CARNMT1: variants seen among roughly 807,000 people sequenced by gnomAD.
The protein encoded by CARNMT1 is protein-L-histidine N-pros-methyltransferase CARNMT1.
A neutral mutation model predicts 49.6 loss-of-function variants in CARNMT1; 28 were observed. That is an observed-to-expected ratio of 0.56 (90% CI 0.42 to 0.77). The LOEUF (loss-of-function observed/expected upper bound fraction) is 0.77. CARNMT1 is among the 30% of genes least tolerant of loss of function. CARNMT1 has a pLI of 0.00. For missense variants in CARNMT1, 421 were observed against 512.6 expected (o/e 0.82, Z 1.73); for synonymous variants, 178 against 175.0 (o/e 1.02, Z -0.13).
chr9:74,994,507 A>G (rs1268111084), intron 6 of CARNMT1, among the ~76,000 whole-genome samples: 1 of 152,102 alleles, frequency 6.6e-6, no homozygotes, highest in African/African-American at 2.4e-5. Flanking sequence ...ATTTTGAAGT[A>G]TCTGTGGTAC....
chr9:74,990,574 A>C (rs1564092055), intron 6 of CARNMT1, among the ~76,000 whole-genome samples: 1 of 152,226 alleles, frequency 6.6e-6, no homozygotes, highest in Non-Finnish European at 1.5e-5. Flanking sequence ...GGACATATAC[A>C]TATATTTCCT....
intron 5 of CARNMT1, among the ~76,000 whole-genome samples, chr9:74,996,902 A>T (rs1163529790): frequency 2.6e-5 from 4 of 152,344 alleles, no homozygotes; most frequent in Admixed American, 2.6e-4. Flanking sequence ...AAAACAAAAT[A>T]ATAGTCATTC....
intron 3 of CARNMT1, among the ~76,000 whole-genome samples, chr9:75,000,845 A>G (rs1048053000): frequency 6.6e-6 from 1 of 152,150 alleles, no homozygotes; most frequent in African/African-American, 2.4e-5. Context: ...GCACTTTACT[A>G]GTAGCCCATA....
At chr9:74,986,980 A>G (rs1310808156) in intron 6 of CARNMT1, among the ~76,000 whole-genome samples, 1 of 152,232 alleles carries the variant, frequency 6.6e-6, no homozygotes, top group African/African-American at 2.4e-5. Flanking sequence ...GCTGGAGTGT[A>G]TATTTTTAGT....
intron 1 of CARNMT1, among the ~76,000 whole-genome samples, chr9:75,026,464 A>G (rs1031315944): frequency 2.0e-5 from 3 of 152,184 alleles, no homozygotes; most frequent in Non-Finnish European, 4.4e-5. Context: ...ACTTTTCTGT[A>G]TCTCCCACTC....
intron 3 of CARNMT1, among the ~76,000 whole-genome samples, chr9:75,007,521 G>C (rs1185542380): frequency 2.0e-5 from 3 of 152,032 alleles, no homozygotes; most frequent in Non-Finnish European, 4.4e-5. Context: ...TTGAGGTCAA[G>C]AGTTTGAGAT....
At chr9:75,004,406 G>T (rs1257428915) in intron 3 of CARNMT1, among the ~76,000 whole-genome samples, 1 of 152,094 alleles carries the variant, frequency 6.6e-6, no homozygotes, top group Non-Finnish European at 1.5e-5. Flanking sequence ...CTATTTACAG[G>T]ATTTGTCTAC....
intron 3 of CARNMT1, among the ~76,000 whole-genome samples, chr9:75,008,954 A>T (rs1186047576): frequency 6.6e-6 from 1 of 152,178 alleles, no homozygotes; most frequent in Non-Finnish European, 1.5e-5. Context: ...ATAAGGACAA[A>T]CACACAGACC....
intron 3 of CARNMT1, among the ~76,000 whole-genome samples, chr9:75,010,731 AAG>A (rs1242867996): frequency 6.6e-6 from 1 of 152,224 alleles, no homozygotes; most frequent in Non-Finnish European, 1.5e-5. Flanking sequence ...AATCTTAACC[AAG>A]ATAAATACAA....
intron 1 of CARNMT1, chr9:75,027,109 G>A (rs1415602262): frequency 1.0e-5 from 13 of 1,304,100 alleles, no homozygotes; most frequent in Non-Finnish European, 1.3e-5. Flanking sequence ...CATAGTCACC[G>A]GTGGACTCAT....
In CARNMT1 at chr9:74,993,909, A is replaced by G. The variant is rs548625224; in HGVS notation, c.1024+2538T>C. On this transcript the variant is annotated intron_variant, in intron 6 of 7. Transcript: ENST00000376834. ...ACAACTTTTAGACTGACTAGAGACA[A>G]ACAGCGAGGAAAAAGAGAGGTCCTA... Among the ~76,000 whole-genome samples the G allele has an allele frequency of 8.5e-5, 13 of 152,318 alleles. No homozygotes were observed. The South Asian group carries it at 2.5e-3, about 29-fold the overall frequency.
chr9:75,023,691 T>C (rs949874960), intron 1 of CARNMT1, among the ~76,000 whole-genome samples: 1 of 152,258 alleles, frequency 6.6e-6, no homozygotes, highest in African/African-American at 2.4e-5. Flanking sequence ...GCTATCAGAA[T>C]TGCTTTAAGG....
chr9:74,994,868 T>A (rs1485384348), intron 6 of CARNMT1, among the ~76,000 whole-genome samples: 1 of 152,178 alleles, frequency 6.6e-6, no homozygotes. Context: ...CATAATGGAA[T>A]TAGCTCTCCT....
chr9:75,007,531 T>C (rs1833546031), intron 3 of CARNMT1, among the ~76,000 whole-genome samples: 1 of 151,778 alleles, frequency 6.6e-6, no homozygotes, highest in African/African-American at 2.4e-5. Flanking sequence ...GAGTTTGAGA[T>C]CAGCCTGACC....
At chr9:75,024,460 TAAG>T (rs1320784922) in intron 1 of CARNMT1, among the ~76,000 whole-genome samples, 1 of 152,220 alleles carries the variant, frequency 6.6e-6, no homozygotes, top group African/African-American at 2.4e-5. Context: ...TTTCTAAAAG[TAAG>T]AAGTTTCTGA....
intron 6 of CARNMT1, among the ~76,000 whole-genome samples, chr9:74,991,902 T>C (rs892440593): frequency 8.5e-5 from 13 of 152,192 alleles, no homozygotes; most frequent in Non-Finnish European, 1.9e-4. Flanking sequence ...TATATCTTTT[T>C]ATATTTTTAC....
At chr9:75,014,718 G>T (rs1390474902) in intron 3 of CARNMT1, among the ~76,000 whole-genome samples, 2 of 152,096 alleles carry the variant, frequency 1.3e-5, no homozygotes, top group African/African-American at 2.4e-5. Flanking sequence ...ATAGTGGTAG[G>T]TGTCTGTAAT....
intron 1 of CARNMT1, chr9:75,027,565 G>C: frequency 2.9e-6 from 2 of 685,092 alleles, no homozygotes; most frequent in Non-Finnish European, 3.6e-6. Context: ...GGGAAAATAC[G>C]TCCTACAGCA....
At chr9:74,999,085 T>C (rs1364475532) in intron 4 of CARNMT1, among the ~76,000 whole-genome samples, 1 of 152,134 alleles carries the variant, frequency 6.6e-6, no homozygotes, top group Non-Finnish European at 1.5e-5. Flanking sequence ...TTTTTTAAAA[T>C]GGTACTGGTT....
Sources: gnomAD v4.1 joint callset for allele counts (sites outside exome capture counted in the v4.1 genomes callset) on GRCh38, gnomAD v4.1.1 for gene constraint, MANE v1.5 for transcripts, NCBI Gene and HGNC (gene_info 2026-07-23, HGNC 2026-07-21) for gene names.